ANO1: variants seen among roughly 807,000 people sequenced by gnomAD.
The protein encoded by ANO1 is anoctamin 1.
ANO1 carries 59 observed loss-of-function variants against 124.0 expected under a neutral mutation model. That is an observed-to-expected ratio of 0.48 (90% confidence interval 0.39 to 0.59). ANO1 has a LOEUF of 0.59. Ranked by LOEUF, ANO1 falls within the 20% of genes least tolerant of loss-of-function variation. ANO1 has a pLI of 0.00. For missense variants in ANO1, 1,059 were observed against 1,328.0 expected (o/e 0.80, Z 3.15); for synonymous variants, 529 against 532.0 (o/e 0.99, Z 0.08).
chr11:70,089,566 G>A (rs2044538234), intron 2 of ANO1, among the ~76,000 whole-genome samples: 1 of 152,156 alleles, frequency 6.6e-6, no homozygotes, highest in Non-Finnish European at 1.5e-5. Flanking sequence ...CTGGCCACCC[G>A]GCAGGAGATT....
the ANO1 span, among the ~76,000 whole-genome samples, chr11:69,979,784 A>G: frequency 2.6e-5 from 4 of 152,204 alleles, no homozygotes; most frequent in African/African-American, 9.6e-5. Context: ...AACTTGGCCA[A>G]CAGGAGAATT....
At chr11:70,042,973 G>A (rs970415483) in intron 1 of ANO1, among the ~76,000 whole-genome samples, 8 of 151,960 alleles carry the variant, frequency 5.3e-5, no homozygotes, top group Admixed American at 3.3e-4. Flanking sequence ...AAAATTAGCA[G>A]GCAAGCAAAG....
At chr11:70,158,417 G>A (rs1356774455) in intron 16 of ANO1, among the ~76,000 whole-genome samples, 1 of 152,238 alleles carries the variant, frequency 6.6e-6, no homozygotes, top group African/African-American at 2.4e-5. Context: ...GCTGTGCACT[G>A]AGGGCCTCAC....
chr11:69,986,799 T>C (rs1856052162), intron 1 of ANO1, among the ~76,000 whole-genome samples: 1 of 152,122 alleles, frequency 6.6e-6, no homozygotes, highest in Admixed American at 6.5e-5. Flanking sequence ...ACCCAAGCCC[T>C]GTTTCCTGGA....
rs550270960 is a variant in ANO1 at position 70,105,810 on chromosome 11, A to C, written c.747+22A>C. On this transcript the variant is annotated intron_variant, in intron 5 of 25. Transcript: ENST00000355303. ...GATTGTAAGTATCGCACGCGCCTGGAAACGGCTCACTGGCAAGATGGCCCT... is the reference window on the plus strand; with the variant it reads ...GATTGTAAGTATCGCACGCGCCTGGCAACGGCTCACTGGCAAGATGGCCCT... The C allele has an allele frequency of 5.0e-6, 8 of 1,611,574 alleles. No homozygotes were observed. The South Asian group carries it at 6.6e-5, about 13-fold the overall frequency.
intron 1 of ANO1, among the ~76,000 whole-genome samples, chr11:70,035,650 A>G (rs1462572234): frequency 1.3e-5 from 2 of 151,996 alleles, no homozygotes; most frequent in African/African-American, 2.4e-5. Context: ...TAAGCCCTGC[A>G]TGCATTAGGT....
At chr11:70,105,876 C>T (rs146959157) in intron 5 of ANO1, 88 bp downstream of exon 5, 73 of 1,306,904 alleles carry the variant, frequency 5.6e-5, no homozygotes, top group African/African-American at 2.2e-4. Flanking sequence ...AAACTCCTCC[C>T]GGTGGAAGCC....
chr11:70,166,654 G>A (rs1463016912), intron 20 of ANO1, among the ~76,000 whole-genome samples: 1 of 152,196 alleles, frequency 6.6e-6, no homozygotes, highest in Non-Finnish European at 1.5e-5. Context: ...AGCCTCCACT[G>A]TTCTTGTGTC....
chr11:70,059,008 C>A (rs574420204), intron 1 of ANO1, among the ~76,000 whole-genome samples: 80 of 151,742 alleles, frequency 5.3e-4, no homozygotes, highest in African/African-American at 1.8e-3. Context: ...ACGGTGAAAC[C>A]CCGTCTCTAC....
At chr11:70,004,111 C>T (rs782277977) in intron 1 of ANO1, among the ~76,000 whole-genome samples, 1 of 152,154 alleles carries the variant, frequency 6.6e-6, no homozygotes, top group African/African-American at 2.4e-5. Context: ...CTTCAGCGGC[C>T]CCCAAAGCCC....
intron 1 of ANO1, among the ~76,000 whole-genome samples, chr11:70,057,727 G>T (rs1282169909): frequency 6.6e-6 from 1 of 152,132 alleles, no homozygotes; most frequent in African/African-American, 2.4e-5. Context: ...AATCACAATG[G>T]TGGAAAGTCA....
intron 10 of ANO1, among the ~76,000 whole-genome samples, chr11:70,128,643 C>A (rs2046620535): frequency 6.6e-6 from 1 of 152,240 alleles, no homozygotes; most frequent in Admixed American, 6.5e-5. Flanking sequence ...GAGGTGCGTG[C>A]TCCCTGCAGC....
chr11:70,055,925 T>C (rs906264670), intron 1 of ANO1, among the ~76,000 whole-genome samples: 21 of 152,150 alleles, frequency 1.4e-4, no homozygotes, highest in African/African-American at 5.1e-4. Context: ...CTTTGGACAA[T>C]GTGAAAACCT....
intron 10 of ANO1, among the ~76,000 whole-genome samples, chr11:70,130,787 G>T (rs781227222): frequency 6.6e-6 from 1 of 152,192 alleles, no homozygotes; most frequent in Non-Finnish European, 1.5e-5. Context: ...CCGGCTTCCC[G>T]AGTGAGCCTA....
At chr11:70,105,643 TG>T in intron 4 of ANO1, 90 bp from the exon 5 acceptor site, 2 of 1,209,030 alleles carry the variant, frequency 1.7e-6, no homozygotes, top group Non-Finnish European at 2.5e-6. Context: ...TCACGGCTAA[TG>T]GGGACAGTGT....
intron 1 of ANO1, among the ~76,000 whole-genome samples, chr11:70,025,532 A>G (rs1234426204): frequency 6.8e-6 from 1 of 147,632 alleles, no homozygotes. Context: ...TGATGATGAC[A>G]GTAATGATAG....
rs77849739 is a variant in ANO1, at chr11:70,153,528, G to A, written c.1425+400G>A. Among the ~76,000 whole-genome samples the A allele has an allele frequency of 1.3e-3, 195 of 152,272 alleles. 1 individual carries two copies. The highest frequency in any genetic ancestry group is 4.0e-3 in the African/African-American group (167 of 41,556). The stretch of plus-strand genomic sequence containing the variant: ...CAGTACACCCCTCCTGTTCTATGCC[G>A]AGCAATGAAACAGAAGCCTTTGCCA... On this transcript the variant is annotated intron_variant, in intron 14 of 25. Coordinates refer to ENST00000355303, the MANE Select transcript of ANO1 (RefSeq NM_018043.7).
In ANO1 at chr11:70,019,275, G is replaced by A. The variant is rs569911669; in HGVS notation, c.58+33109G>A. On this transcript the variant is annotated intron_variant, in intron 1 of 27. Transcript: ENST00000531349. ...CACACACACACACATTCACTCCCCC[G>A]TCTATGGACTCACAACCCACGCTAC... 1.0e-4 allele frequency among the ~76,000 whole-genome samples: 12 copies of A among 117,626 alleles called. No individual in the cohort carries two copies. The East Asian group carries it at 1.2e-3, about 12-fold the overall frequency. 77.2% of individuals were successfully genotyped at this position (117,626 alleles called of 152,430 possible). A position where few individuals can be genotyped will look rare whatever the true frequency, so the allele number is the denominator to read the frequency against.
At chr11:69,977,154 A>AG in the ANO1 span, among the ~76,000 whole-genome samples, 8 of 152,116 alleles carry the variant, frequency 5.3e-5, no homozygotes, top group East Asian at 1.9e-4. Context: ...AAATTAAAAG[A>AG]GGGGGGGACA....
Sources: allele counts gnomAD v4.1 joint callset (sites outside exome capture counted in the v4.1 genomes callset), GRCh38; gene constraint gnomAD v4.1.1; transcripts MANE v1.5; gene names NCBI Gene and HGNC (gene_info 2026-07-23, HGNC 2026-07-21).